The following CES3 variants were observed in gnomAD, a reference collection of about 807,000 sequenced individuals.
The protein encoded by CES3 is carboxylesterase 3 (brain).
A neutral mutation model predicts 57.6 loss-of-function variants in CES3; 49 were observed. The observed-to-expected ratio is 0.85, with a 90% CI of 0.68 to 1.08. The LOEUF (loss-of-function observed/expected upper bound fraction) is 1.08. Among genes scored for constraint, CES3 ranks in the 50% least tolerant of loss-of-function variants. The pLI is 0.00. For missense variants in CES3, 645 were observed against 742.0 expected, an observed-to-expected ratio of 0.87 and a Z score of 1.52; for synonymous variants, 266 against 281.6, an observed-to-expected ratio of 0.94 and a Z score of 0.55.
chr16:66,967,880 C>A, intron 8 of CES3: 1 of 510,674 alleles, frequency 2.0e-6, no homozygotes, highest in Non-Finnish European at 2.5e-6. Context: ...TCCCAGCTTC[C>A]TGAGTAGCTC....
chr16:66,967,281 T>G (rs1421010347), intron 8 of CES3, among the ~76,000 whole-genome samples: 1 of 152,214 alleles, frequency 6.6e-6, no homozygotes, highest in East Asian at 1.9e-4. Flanking sequence ...CTCAAGCTCC[T>G]GACCTCAAGT....
intron 1 of CES3, 96 bp downstream of exon 1, chr16:66,961,485 A>G: frequency 1.0e-6 from 1 of 963,798 alleles, no homozygotes; most frequent in Non-Finnish European, 1.6e-6. Context: ...CTCAGGAAAC[A>G]GTCCTGTTTG....
At chr16:66,967,871 C>T (rs989505592) in intron 8 of CES3, 1 of 601,428 alleles carries the variant, frequency 1.7e-6, no homozygotes, top group Non-Finnish European at 2.1e-6. Context: ...GAGCAATCCT[C>T]CCAGCTTCCT....
chr16:66,964,547 A>T, intron 5 of CES3, 37 bp downstream of exon 5: 1 of 1,612,344 alleles, frequency 6.2e-7, no homozygotes, highest in Non-Finnish European at 8.5e-7. Flanking sequence ...GGTGGCCAGG[A>T]GGGCTCCGGT....
At chr16:66,969,815 T>C (rs2145539099) in intron 9 of CES3, 56 bp downstream of exon 9, 1 of 1,479,198 alleles carries the variant, frequency 6.8e-7, no homozygotes, top group African/African-American at 1.4e-5. Context: ...AGCTAGTGGG[T>C]ATCCCATCCA....
At chr16:66,962,180 C>T (rs761104742) in intron 1 of CES3, among the ~76,000 whole-genome samples, 13 of 152,276 alleles carry the variant, frequency 8.5e-5, no homozygotes, top group East Asian at 1.9e-4. Context: ...TCCTGGTACC[C>T]GGCTCTGTGG....
rs746883331 is a variant in CES3, at chr16:66,972,818, A to G, written c.1521-36A>G. 4 of 1,613,938 alleles carry G rather than the reference A, an allele frequency of 2.5e-6. No homozygotes were observed. The South Asian group carries it at 4.4e-5, about 18-fold the overall frequency. On this transcript the variant is annotated intron_variant, in intron 12 of 12. Transcript: ENST00000303334. Reference sequence around the variant, plus strand: ...GGTCGGCCCCTCTGGGGGACAGCACAGGAAGCCTTGGTCCTCATTCATTCC... The same window carrying G: ...GGTCGGCCCCTCTGGGGGACAGCACGGGAAGCCTTGGTCCTCATTCATTCC...
At chr16:66,971,535 C>T (rs1433077374) in intron 10 of CES3, among the ~76,000 whole-genome samples, 2 of 152,212 alleles carry the variant, frequency 1.3e-5, no homozygotes, top group African/African-American at 2.4e-5. Context: ...AAACCTCAGA[C>T]TCAGAGAGGT....
At chr16:66,966,962 C>T (rs757902702) in intron 8 of CES3, 97 bp downstream of exon 8, 115 of 1,395,602 alleles carry the variant, frequency 8.2e-5, no homozygotes, top group Non-Finnish European at 4.3e-5. Flanking sequence ...GGAGCACTCC[C>T]GTTACTCCCA....
Position 66,964,491 on chromosome 16 carries a change from G to C in CES3, c.695G>C (p.Gly232Ala). 1.9e-6 allele frequency: 3 copies of C among 1,614,116 alleles called. No individual in the cohort carries two copies. Among genetic ancestry groups the C allele is most frequent in the Non-Finnish European group, 8.5e-7 (1 of 1,179,988 alleles). The change falls in exon 5 of 13, where the codon GGG (glycine) becomes GCG (alanine). Residue 232 changes from glycine to alanine, a missense_variant. By Grantham distance (60) the Gly-to-Ala change is moderately conservative. Coordinates refer to ENST00000303334, the MANE Select transcript of CES3 (RefSeq NM_024922.6). ...CVTVFGGSAG[G>A]SIISGLVLSP... is the part of the protein sequence containing the mutation. ...ACTGTCTTTGGTGGATCTGCCGGTGGGAGCATCATCTCTGGCCTGGTAAGT... is the reference window on the plus strand; with the variant it reads ...ACTGTCTTTGGTGGATCTGCCGGTGCGAGCATCATCTCTGGCCTGGTAAGT...
intron 8 of CES3, among the ~76,000 whole-genome samples, chr16:66,968,478 A>T (rs1963774805): frequency 6.6e-6 from 1 of 152,112 alleles, no homozygotes; most frequent in South Asian, 2.1e-4. Context: ...GGCAACTTCT[A>T]GTTTTTACCA....
Position 66,973,226 on chromosome 16 carries a change from C to A in CES3, c.*177C>A. Reference sequence around the variant, plus strand: ...GAAATGTCACAAGGCCGCCTCCCACCTCTGGGGCATTGTACAAGTTCTTCC... The same window carrying A: ...GAAATGTCACAAGGCCGCCTCCCACATCTGGGGCATTGTACAAGTTCTTCC... On this transcript the variant is annotated 3_prime_UTR_variant, in exon 13 of 13. Transcript: ENST00000303334. 1 of 618,630 alleles carries A rather than the reference C, an allele frequency of 1.6e-6. No individual in the cohort carries two copies. The highest frequency in any genetic ancestry group is 2.0e-5 in the South Asian group (1 of 50,106). The allele number at this position is 618,630 out of a possible 1,614,324, so 38.3% of individuals were successfully genotyped here.
chr16:66,964,025 C>T lies in CES3; in HGVS notation c.560+90C>T, dbSNP rs529001331. The T allele has an allele frequency of 6.5e-5, 101 of 1,550,696 alleles. No homozygotes were observed. In the Admixed American group the frequency reaches 8.4e-4, roughly 13 times the overall value. On this transcript the variant is annotated intron_variant, in intron 4 of 12. Coordinates refer to ENST00000303334, the MANE Select transcript of CES3 (RefSeq NM_024922.6). ...TGGGGATCTAGGTTGGGGTCCGGAACCTGAAGGGAGGGCCCCTTACCCATG... is the reference window on the plus strand; with the variant it reads ...TGGGGATCTAGGTTGGGGTCCGGAATCTGAAGGGAGGGCCCCTTACCCATG...
Position 66,972,925 on chromosome 16 carries a change from C to CA in CES3, c.1593dup (p.Val532SerfsTer71). ...GCGGAACAATATCTGGAGATCAACC[C>CA]AGTGCCACGGGCCGGACAGAAGTTC... On this transcript the variant is annotated frameshift_variant, in exon 13 of 13. Coordinates refer to ENST00000303334, the MANE Select transcript of CES3 (RefSeq NM_024922.6). LOFTEE classifies it low-confidence loss of function (END_TRUNC). 2 of 1,614,180 alleles carry CA rather than the reference C, an allele frequency of 1.2e-6. No homozygotes were observed. Among genetic ancestry groups the CA allele is most frequent in the Non-Finnish European group, 1.7e-6 (2 of 1,180,030 alleles).
chr16:66,974,563 C>T lies in CES3; in HGVS notation c.*1514C>T. On this transcript the variant is annotated 3_prime_UTR_variant, in exon 13 of 13. Coordinates refer to ENST00000303334, the MANE Select transcript of CES3 (RefSeq NM_024922.6). Reference sequence around the variant, plus strand: ...GAGCCTCCCCAAGGAGCGCCGCCCCCTGCTCCACAGCGCCCAGTCCCATCG... The same window carrying T: ...GAGCCTCCCCAAGGAGCGCCGCCCCTTGCTCCACAGCGCCCAGTCCCATCG... The T allele has an allele frequency of 6.2e-6, 1 of 162,386 alleles. No homozygotes were observed. Among genetic ancestry groups the T allele is most frequent in the Non-Finnish European group, 1.4e-5 (1 of 73,926 alleles). The allele number at this position is 162,386 out of a possible 1,614,324, so 10.1% of individuals were successfully genotyped here.
In CES3 at chr16:66,973,364, CG is replaced by C. The variant is rs1963877570; in HGVS notation, c.*317del. 6.9e-6 allele frequency: 2 copies of C among 288,998 alleles called. No individual in the cohort carries two copies. The highest frequency in any genetic ancestry group is 2.2e-5 in the African/African-American group (1 of 46,298). The allele number at this position is 288,998 out of a possible 1,614,324, so 17.9% of individuals were successfully genotyped here. A position where few individuals can be genotyped will look rare whatever the true frequency, so the allele number is the denominator to read the frequency against. On this transcript the variant is annotated 3_prime_UTR_variant, in exon 13 of 13. Transcript: ENST00000303334. ...CCTTCCCTGCCTTCTCTGGGCTGTGCGGCCCCGAGTCTGCGTCCATTAGAGC... is the reference window on the plus strand; with the variant it reads ...CCTTCCCTGCCTTCTCTGGGCTGTGCGCCCCGAGTCTGCGTCCATTAGAGC...
rs1192188885 is a variant in CES3 at position 66,973,780 on chromosome 16, C to T, written c.*731C>T. 6.6e-6 allele frequency: 1 copy of T among 152,660 alleles called. No homozygotes were observed. The highest frequency in any genetic ancestry group is 6.5e-5 in the Admixed American group (1 of 15,280). The allele number at this position is 152,660 out of a possible 1,614,324, so 9.5% of individuals were successfully genotyped here. On this transcript the variant is annotated 3_prime_UTR_variant, in exon 13 of 13. Transcript: ENST00000303334. ...GGTCTCCTCCTCTCTGCTGCCCAGT[C>T]CTGGCCCCTGCACAAGACAACAGAA... is the stretch of plus-strand genomic sequence containing the variant.
At chr16:66,967,850 C>T (rs987767077) in intron 8 of CES3, 2 of 760,232 alleles carry the variant, frequency 2.6e-6, no homozygotes, top group African/African-American at 1.9e-5. Flanking sequence ...CTGCCTCAAC[C>T]TCTCAGGCCC....
In CES3 at chr16:66,973,330, C is replaced by T. The variant is rs924242084; in HGVS notation, c.*281C>T. ...TCTAGCTTCCTGGAGGACTCACTCC[C>T]CCAGGAAGCCTTCCCTGCCTTCTCT... On this transcript the variant is annotated 3_prime_UTR_variant, in exon 13 of 13. Coordinates refer to ENST00000303334, the MANE Select transcript of CES3 (RefSeq NM_024922.6). The T allele has an allele frequency of 8.2e-6, 3 of 365,590 alleles. No individual in the cohort carries two copies. The highest frequency in any genetic ancestry group is 6.2e-5 in the African/African-American group (3 of 48,602). 22.6% of individuals were successfully genotyped at this position (365,590 alleles called of 1,614,324 possible).
Sources: gnomAD v4.1 joint callset for allele counts (sites outside exome capture counted in the v4.1 genomes callset) on GRCh38, gnomAD v4.1.1 for gene constraint, MANE v1.5 for transcripts, NCBI Gene and HGNC (gene_info 2026-07-23, HGNC 2026-07-21) for gene names.